CRY1: variants seen among roughly 807,000 people sequenced by gnomAD.
CRY1 encodes the protein cryptochrome-1.
A neutral mutation model predicts 76.0 loss-of-function variants in CRY1; 45 were observed. The ratio of observed to expected loss-of-function variants is 0.59; its 90% CI spans 0.47 to 0.76. CRY1 has a LOEUF of 0.76. CRY1 is among the 30% of genes least tolerant of loss of function. CRY1 has a pLI of 0.00. For synonymous variants in CRY1, 248 were observed against 244.0 expected (o/e 1.02, Z -0.15); for missense variants, 587 against 716.4 (o/e 0.82, Z 2.06).
At chr12:107,009,525 C>T (rs190068875) in intron 2 of CRY1, among the ~76,000 whole-genome samples, 1 of 138,452 alleles carries the variant, frequency 7.2e-6, no homozygotes, top group African/African-American at 2.7e-5. Flanking sequence ...GGCGACAGAG[C>T]AAGACTCCAT....
At chr12:107,038,145 T>C (rs1952758143) in intron 1 of CRY1, among the ~76,000 whole-genome samples, 1 of 152,106 alleles carries the variant, frequency 6.6e-6, no homozygotes, top group South Asian at 2.1e-4. Context: ...TGGATAAAAC[T>C]GGTAATGGTG....
In CRY1 at chr12:107,088,683, G is replaced by C. The variant is rs180699452; in HGVS notation, c.158+4121C>G. ...AGTCTAAAGGTATTTTGTTATAGCAGCTCAAACAAACTATTAATAAAACAA... is the reference window on the plus strand; with the variant it reads ...AGTCTAAAGGTATTTTGTTATAGCACCTCAAACAAACTATTAATAAAACAA... On this transcript the variant is annotated intron_variant, in intron 1 of 12. Coordinates refer to ENST00000008527, the MANE Select transcript of CRY1 (RefSeq NM_004075.5). Among the ~76,000 whole-genome samples the C allele has an allele frequency of 2.0e-3, 306 of 152,290 alleles. 1 individual carries two copies. Among genetic ancestry groups the C allele is most frequent in the African/African-American group, 7.2e-3 (300 of 41,552 alleles).
intron 1 of CRY1, among the ~76,000 whole-genome samples, chr12:107,055,207 T>C (rs1317624365): frequency 6.6e-6 from 1 of 152,156 alleles, no homozygotes; most frequent in African/African-American, 2.4e-5. Flanking sequence ...GACCTTGACG[T>C]ATTTATGCTA....
chr12:107,009,763 T>A (rs1261345285), intron 2 of CRY1, among the ~76,000 whole-genome samples: 7 of 151,444 alleles, frequency 4.6e-5, no homozygotes, highest in Non-Finnish European at 4.4e-5. Context: ...AAAAAAACTT[T>A]TTTTAAATAA....
rs149697456 is a variant in CRY1 at position 107,042,561 on chromosome 12, G to A, written c.159-20369C>T. Among the ~76,000 whole-genome samples, 760 of 152,010 alleles carry A rather than the reference G, an allele frequency of 5.0e-3. 6 individuals carry two copies. The highest frequency in any genetic ancestry group is 0.017 in the African/African-American group (716 of 41,480). On this transcript the variant is annotated intron_variant, in intron 1 of 12. Transcript: ENST00000008527. The stretch of plus-strand genomic sequence containing the variant: ...AAATATCAGATAAAATCAAATTGAG[G>A]AGCAGTCTACAAAATACTTCGCCAG...
chr12:106,992,694 G>GA, intron 12 of CRY1, 93 bp downstream of exon 12: 2 of 1,165,068 alleles, frequency 1.7e-6, no homozygotes, highest in Non-Finnish European at 2.4e-6. Context: ...TTTCTGGTTT[G>GA]AAAATAGAGA....
At chr12:107,077,294 TA>T (rs1330194998) in intron 1 of CRY1, among the ~76,000 whole-genome samples, 5 of 152,352 alleles carry the variant, frequency 3.3e-5, no homozygotes, top group Admixed American at 3.3e-4. Flanking sequence ...TTTAACATTG[TA>T]TGTTCTAATT....
At chr12:107,078,834 C>G (rs1427299092) in intron 1 of CRY1, among the ~76,000 whole-genome samples, 1 of 152,074 alleles carries the variant, frequency 6.6e-6, no homozygotes, top group Non-Finnish European at 1.5e-5. Flanking sequence ...TCTCCCTCAC[C>G]CTCCTCCTCT....
rs1953497538 is a variant in CRY1, at chr12:107,093,168, T to TTCC, written c.-208_-207insGGA. ...AGTGGAAAGATGAATGGAGGTTGCCTAGTCGGCGGAGTCCGGGTGTGACGC... is the reference window on the plus strand; with the variant it reads ...AGTGGAAAGATGAATGGAGGTTGCCTTCCAGTCGGCGGAGTCCGGGTGTGACGC... On this transcript the variant is annotated 5_prime_UTR_variant, in exon 1 of 13. Coordinates refer to ENST00000008527, the MANE Select transcript of CRY1 (RefSeq NM_004075.5). 1.8e-6 allele frequency: 1 copy of TTCC among 556,946 alleles called. No homozygotes were observed. The highest frequency in any genetic ancestry group is 3.0e-6 in the Non-Finnish European group (1 of 338,410). 34.5% of individuals were successfully genotyped at this position (556,946 alleles called of 1,614,324 possible).
At chr12:107,061,673 C>T (rs545192548) in intron 1 of CRY1, among the ~76,000 whole-genome samples, 12 of 152,202 alleles carry the variant, frequency 7.9e-5, no homozygotes, top group South Asian at 2.1e-4. Context: ...TGAGCCACTG[C>T]GCCCGGCCCC....
At chr12:107,087,558 C>T (rs1173787794) in intron 1 of CRY1, among the ~76,000 whole-genome samples, 1 of 152,154 alleles carries the variant, frequency 6.6e-6, no homozygotes, top group African/African-American at 2.4e-5. Context: ...GTCAATTTGT[C>T]CCTTTTAAAA....
Position 107,070,549 on chromosome 12 carries a change from A to G in CRY1, c.158+22255T>C, listed in dbSNP as rs189094919. Among the ~76,000 whole-genome samples, 1,014 of 151,892 alleles carry G rather than the reference A, an allele frequency of 6.7e-3. 8 individuals are homozygous for G. Among genetic ancestry groups the G allele is most frequent in the African/African-American group, 0.02 (824 of 41,208 alleles). On this transcript the variant is annotated intron_variant, in intron 1 of 12. Coordinates refer to ENST00000008527, the MANE Select transcript of CRY1 (RefSeq NM_004075.5). The stretch of plus-strand genomic sequence containing the variant: ...ATTCAAATAGGAATAAAGGAGGCTA[A>G]AGAAAGAAAACAAGGAAGAGACCTT...
At chr12:107,071,644 A>G (rs189130397) in intron 1 of CRY1, among the ~76,000 whole-genome samples, 7 of 152,302 alleles carry the variant, frequency 4.6e-5, no homozygotes, top group Admixed American at 6.5e-5. Context: ...CATAGGAGTT[A>G]TGCTTTGAAA....
At chr12:107,073,121 T>G (rs1953210954) in intron 1 of CRY1, 1 of 152,052 alleles carries the variant, frequency 6.6e-6, no homozygotes, top group South Asian at 2.1e-4. Context: ...ATTGTAAATA[T>G]TTATATCATC....
chr12:106,996,732 A>T (rs1952237056), intron 10 of CRY1, among the ~76,000 whole-genome samples: 1 of 152,226 alleles, frequency 6.6e-6, no homozygotes, highest in Admixed American at 6.5e-5. Context: ...AAAGCCAAAA[A>T]CTAATATGAT....
chr12:107,006,152 G>A (rs747126625), intron 2 of CRY1, among the ~76,000 whole-genome samples: 4 of 152,088 alleles, frequency 2.6e-5, no homozygotes, highest in Non-Finnish European at 4.4e-5. Context: ...CTGGGAGGCT[G>A]GGGTGGGTGG....
intron 1 of CRY1, among the ~76,000 whole-genome samples, chr12:107,086,760 G>A (rs994195369): frequency 5.3e-5 from 8 of 152,218 alleles, no homozygotes; most frequent in African/African-American, 9.6e-5. Context: ...ATGTCAAGAA[G>A]TCTGGCTGTC....
At chr12:107,048,163 C>G (rs1952871339) in intron 1 of CRY1, among the ~76,000 whole-genome samples, 1 of 151,990 alleles carries the variant, frequency 6.6e-6, no homozygotes, top group Non-Finnish European at 1.5e-5. Flanking sequence ...TTACTGCAAC[C>G]TCCGCCCCCT....
At chr12:107,000,821 G>T (rs931996377) in intron 5 of CRY1, among the ~76,000 whole-genome samples, 2 of 149,846 alleles carry the variant, frequency 1.3e-5, no homozygotes, top group Non-Finnish European at 3.0e-5. Context: ...GCTAACTTTT[G>T]TATTTTTAGT....
Sources: allele counts gnomAD v4.1 joint callset (sites outside exome capture counted in the v4.1 genomes callset), GRCh38; gene constraint gnomAD v4.1.1; transcripts MANE v1.5; gene names NCBI Gene and HGNC (gene_info 2026-07-23, HGNC 2026-07-21).